The following THSD7B variants were observed in gnomAD, a reference collection of about 807,000 sequenced individuals.
THSD7B encodes the protein thrombospondin type 1 domain containing 7B.
Under a neutral mutation model 213.6 loss-of-function variants are expected in THSD7B, and 138 were observed. That is an observed-to-expected ratio of 0.65 (90% CI 0.56 to 0.74). The LOEUF is 0.74. Among genes scored for constraint, THSD7B ranks in the 30% least tolerant of loss-of-function variants. The probability of loss-of-function intolerance (pLI) is 0.00; values close to 1 mark genes in which losing one functional copy is unlikely to be tolerated. For synonymous variants in THSD7B, 742 were observed against 687.0 expected (o/e 1.08, Z -1.25); for missense variants, 1,931 against 1,991.5 (o/e 0.97, Z 0.58).
At chr2:137,303,401 A>G (rs371320415) in intron 12 of THSD7B, among the ~76,000 whole-genome samples, 7 of 152,104 alleles carry the variant, frequency 4.6e-5, no homozygotes, top group Admixed American at 3.3e-4. Flanking sequence ...TATTTTCACA[A>G]TAATATGTAG....
At chr2:136,942,688 G>A (rs1285823364) in intron 2 of THSD7B, among the ~76,000 whole-genome samples, 3 of 152,124 alleles carry the variant, frequency 2.0e-5, no homozygotes, top group Non-Finnish European at 2.9e-5. Context: ...TGTGATTTTC[G>A]CACATTGATT....
intron 10 of THSD7B, among the ~76,000 whole-genome samples, chr2:137,251,564 G>T (rs142115248): frequency 6.6e-6 from 1 of 152,122 alleles, no homozygotes; most frequent in Admixed American, 6.5e-5. Context: ...ATAGGGTTTC[G>T]TTCTTGATAA....
intron 1 of THSD7B, among the ~76,000 whole-genome samples, chr2:136,792,358 G>A (rs1353664723): frequency 1.3e-5 from 2 of 151,994 alleles, no homozygotes; most frequent in African/African-American, 2.4e-5. Context: ...GGAGTTCTGG[G>A]GGAGGGAGAG....
At chr2:137,151,138 A>G (rs1679810855) in intron 5 of THSD7B, among the ~76,000 whole-genome samples, 1 of 152,184 alleles carries the variant, frequency 6.6e-6, no homozygotes, top group Non-Finnish European at 1.5e-5. Flanking sequence ...TCTCTTTTCA[A>G]TAATAAATTA....
chr2:137,525,022 G>T (rs1410031217), intron 15 of THSD7B, among the ~76,000 whole-genome samples: 2 of 152,126 alleles, frequency 1.3e-5, no homozygotes, highest in Admixed American at 1.3e-4. Context: ...CGTTGTTGGT[G>T]TGCCTTTTTT....
intron 5 of THSD7B, among the ~76,000 whole-genome samples, chr2:137,131,445 G>A (rs1193662302): frequency 3.3e-5 from 5 of 152,118 alleles, no homozygotes. Context: ...TAGACATGAA[G>A]TCCTTGCCCA....
chr2:137,192,950 A>G (rs1156425950), intron 7 of THSD7B, among the ~76,000 whole-genome samples: 1 of 152,128 alleles, frequency 6.6e-6, no homozygotes, highest in Non-Finnish European at 1.5e-5. Context: ...CATAGCTTAG[A>G]AAGGAAAGCT....
intron 1 of THSD7B, among the ~76,000 whole-genome samples, chr2:136,840,172 A>C (rs887150365): frequency 6.6e-6 from 1 of 152,082 alleles, no homozygotes; most frequent in Non-Finnish European, 1.5e-5. Context: ...TGAGGTTAGG[A>C]ATTTGAGACC....
chr2:136,969,514 T>G (rs947497785), intron 2 of THSD7B, among the ~76,000 whole-genome samples: 2 of 152,232 alleles, frequency 1.3e-5, no homozygotes, highest in Non-Finnish European at 2.9e-5. Context: ...CGAAAATATT[T>G]TTTGAATGAC....
chr2:136,994,396 C>T (rs1385950877), intron 2 of THSD7B, among the ~76,000 whole-genome samples: 1 of 151,890 alleles, frequency 6.6e-6, no homozygotes, highest in African/African-American at 2.4e-5. Flanking sequence ...GAAACCCCGT[C>T]TCTACTAAAA....
Position 137,056,809 on chromosome 2 carries a change from C to T in THSD7B, c.529C>T (p.Pro177Ser), listed in dbSNP as rs776738321. The T allele has an allele frequency of 1.9e-6, 3 of 1,613,766 alleles. No individual in the cohort carries two copies. Among genetic ancestry groups the T allele is most frequent in the African/African-American group, 1.3e-5 (1 of 74,872 alleles). The change falls in exon 3 of 28, where the codon CCC becomes TCC. Residue 177 changes from proline to serine, a missense_variant. Physicochemically the swap from Pro to Ser is moderately conservative, Grantham distance 74. Coordinates refer to ENST00000409968, the MANE Select transcript of THSD7B (RefSeq NM_001316349.2). ...AGAACAGGCTTGCCTCATTCCTTGT[C>T]CCCGGGATTGTGTAGTATCTGAGTT... ...PTEQACLIPC[P>S]RDCVVSEFLP...
chr2:137,393,008 A>G (rs1420205208), intron 12 of THSD7B, among the ~76,000 whole-genome samples: 1 of 152,010 alleles, frequency 6.6e-6, no homozygotes, highest in African/African-American at 2.4e-5. Context: ...TAAAAATCCT[A>G]AAGATTTTTT....
chr2:137,585,606 C>G (rs373926082), intron 17 of THSD7B, among the ~76,000 whole-genome samples: 4 of 152,154 alleles, frequency 2.6e-5, no homozygotes, highest in East Asian at 3.9e-4. Flanking sequence ...ACCCAGTAGT[C>G]TTTCAGGAGC....
rs565615738 is a variant in THSD7B at position 137,025,333 on chromosome 2, A to G, written c.140-31087A>G. On this transcript the variant is annotated intron_variant, in intron 2 of 27. Transcript: ENST00000409968. ...GCCAGACGTTTTTCTCAACTGAAAC[A>G]TAATCTCTTCAGAGGAACCTTCTCT... is the stretch of plus-strand genomic sequence containing the variant. 9.8e-5 allele frequency among the ~76,000 whole-genome samples: 15 copies of G among 152,304 alleles called. No homozygotes were observed. In the South Asian group the frequency reaches 2.7e-3, roughly 27 times the overall value.
chr2:137,261,835 G>A (rs1682458681), intron 10 of THSD7B, among the ~76,000 whole-genome samples: 1 of 148,148 alleles, frequency 6.8e-6, no homozygotes, highest in Non-Finnish European at 1.5e-5. Flanking sequence ...TAATGTCTGA[G>A]TAATTTCCCT....
At chr2:137,538,574 CT>C in intron 15 of THSD7B, 2 of 489,022 alleles carry the variant, frequency 4.1e-6, no homozygotes, top group South Asian at 3.1e-5. Context: ...CACAAACCAG[CT>C]TTTTTTCTCT....
At chr2:136,961,581 T>C (rs1017677187) in intron 2 of THSD7B, among the ~76,000 whole-genome samples, 37 of 152,308 alleles carry the variant, frequency 2.4e-4, no homozygotes, top group African/African-American at 8.7e-4. Flanking sequence ...CATTCCTGGC[T>C]GAGCTCAGTA....
chr2:137,623,248 G>A (rs1236526696), intron 20 of THSD7B, among the ~76,000 whole-genome samples: 1 of 152,044 alleles, frequency 6.6e-6, no homozygotes, highest in East Asian at 1.9e-4. Context: ...TCTCAACAGA[G>A]GCAGAAAAGG....
At chr2:137,469,416 G>A (rs769279980) in intron 15 of THSD7B, among the ~76,000 whole-genome samples, 4 of 152,110 alleles carry the variant, frequency 2.6e-5, no homozygotes, top group Non-Finnish European at 5.9e-5. Context: ...CAGAACATCG[G>A]AAAAATCTTT....
Sources: gnomAD v4.1 joint callset for allele counts (sites outside exome capture counted in the v4.1 genomes callset) on GRCh38, gnomAD v4.1.1 for gene constraint, MANE v1.5 for transcripts, NCBI Gene and HGNC (gene_info 2026-07-23, HGNC 2026-07-21) for gene names.